FBXO47: variants seen among roughly 807,000 people sequenced by gnomAD.
The protein encoded by FBXO47 is F-box only protein 47.
FBXO47 carries 34 observed loss-of-function variants against 53.9 expected under a neutral mutation model. That is an observed-to-expected ratio of 0.63 (90% CI 0.48 to 0.84). The LOEUF (loss-of-function observed/expected upper bound fraction) is 0.84, where lower values mean the gene tolerates loss of function less well. Among genes scored for constraint, FBXO47 ranks in the 40% least tolerant of loss-of-function variants. The pLI, the probability that FBXO47 is intolerant of heterozygous loss-of-function variation, is 0.00. For synonymous variants in FBXO47, 165 were observed against 181.6 expected (o/e 0.91, Z 0.73); for missense variants, 485 against 541.3 (o/e 0.90, Z 1.03).
chr17:38,963,039 T>C lies in FBXO47; in HGVS notation c.-14A>G. ...TCTGGATGCCATTCTTCTTCTTGTC[T>C]CACAAATTTATCCTGGTCAGAAAAA... On this transcript the variant is annotated 5_prime_UTR_variant, in exon 2 of 11. Coordinates refer to ENST00000378079, the MANE Select transcript of FBXO47 (RefSeq NM_001008777.3). 3 of 1,597,654 alleles carry C rather than the reference T, an allele frequency of 1.9e-6. No homozygotes were observed. The highest frequency in any genetic ancestry group is 2.6e-6 in the Non-Finnish European group (3 of 1,167,390).
At position 38,937,250 on chromosome 17, in the gene FBXO47, G is replaced by A; in HGVS notation, c.1284C>T (p.Phe428=). The A allele has an allele frequency of 6.2e-6, 10 of 1,609,748 alleles. No homozygotes were observed. Among genetic ancestry groups the A allele is most frequent in the Non-Finnish European group, 8.5e-6 (10 of 1,177,002 alleles). Residue 428 remains phenylalanine (F), a synonymous_variant, in exon 11 of 11, where the codon TTC becomes TTT. Coordinates refer to ENST00000378079, the MANE Select transcript of FBXO47 (RefSeq NM_001008777.3). ...DEDDRSFLNL[F]HLVHAQANFH... is the part of the protein sequence containing the mutation. ...AGTTAGCCTGAGCATGTACAAGATG[G>A]AACAAATTCAAAAAGCTTCTGTCAT...
chr17:38,939,458 A>G (rs958872448), intron 9 of FBXO47, among the ~76,000 whole-genome samples: 6 of 148,754 alleles, frequency 4.0e-5, no homozygotes, highest in African/African-American at 1.5e-4. Context: ...AACCATAAAG[A>G]CATGGCTCTA....
chr17:38,943,881 C>A, intron 7 of FBXO47, 145 bp from the exon 8 acceptor site: 1 of 746,316 alleles, frequency 1.3e-6, no homozygotes, highest in South Asian at 1.9e-5. Context: ...GAAGTCAATT[C>A]TGGTAATAGT....
At chr17:38,945,935 C>CAAAAAAAAAAAAAAAA (rs34412322) in intron 6 of FBXO47, among the ~76,000 whole-genome samples, 2 of 94,596 alleles carry the variant, frequency 2.1e-5, no homozygotes, top group African/African-American at 9.3e-5. Context: ...GACTCTGGCT[C>CAAAAAAAAAAAAAAAA]AAAAAAAAAA....
chr17:38,965,877 T>A, intron 1 of FBXO47, among the ~76,000 whole-genome samples: 2 of 144,918 alleles, frequency 1.4e-5, no homozygotes, highest in African/African-American at 2.6e-5. Flanking sequence ...AGCAAGAATC[T>A]GCCTCAAAAA....
At chr17:38,942,724 T>C in intron 9 of FBXO47, 54 bp downstream of exon 9, 1 of 1,453,560 alleles carries the variant, frequency 6.9e-7, no homozygotes, top group Non-Finnish European at 9.4e-7. Context: ...CAGCTCCCTG[T>C]AGGTCAATTG....
chr17:38,956,277 C>T (rs1476618243), intron 4 of FBXO47, among the ~76,000 whole-genome samples: 1 of 152,006 alleles, frequency 6.6e-6, no homozygotes, highest in East Asian at 1.9e-4. Context: ...TAGACCAGAA[C>T]TCAATGCAAA....
intron 6 of FBXO47, among the ~76,000 whole-genome samples, chr17:38,947,134 A>G (rs1241717641): frequency 7.0e-6 from 1 of 142,832 alleles, no homozygotes; most frequent in Non-Finnish European, 1.5e-5. Context: ...ATATATAAAT[A>G]TATATATATA....
rs909937026 is a variant in FBXO47, at chr17:38,967,320, G to GA, written c.-119dup. On this transcript the variant is annotated 5_prime_UTR_variant, in exon 1 of 11. Coordinates refer to ENST00000378079, the MANE Select transcript of FBXO47 (RefSeq NM_001008777.3). ...CCATCCTCAAATTTCTTAGTGTTTA[G>GA]AAAAGAAAATATCTCCTCAAGAGCT... 6.6e-6 allele frequency: 1 copy of GA among 152,114 alleles called. No homozygotes were observed. The highest frequency in any genetic ancestry group is 2.4e-5 in the African/African-American group (1 of 41,430). The allele number at this position is 152,114 out of a possible 1,614,324, so 9.4% of individuals were successfully genotyped here.
Position 38,945,948 on chromosome 17 carries a change from A to AAAAAAAAAAAAAAAT in FBXO47, c.617-813_617-812insATTTTTTTTTTTTTT, listed in dbSNP as rs1184511532. Among the ~76,000 whole-genome samples the AAAAAAAAAAAAAAAT allele has an allele frequency of 2.2e-3, 255 of 117,070 alleles. 9 individuals carry two copies. Among genetic ancestry groups the AAAAAAAAAAAAAAAT allele is most frequent in the African/African-American group, 8.7e-3 (247 of 28,478 alleles). 76.8% of individuals were successfully genotyped at this position (117,070 alleles called of 152,430 possible). ...GAGACTCTGGCTCAAAAAAAAAAAAAATATATATATATATATAAATATATA... is the reference window on the plus strand; with the variant it reads ...GAGACTCTGGCTCAAAAAAAAAAAAAAAAAAAAAAAAAAATATATATATATATATATAAATATATA... On this transcript the variant is annotated intron_variant, in intron 6 of 10. Transcript: ENST00000378079.
At position 38,946,381 on chromosome 17, in the gene FBXO47, AAT is replaced by A. The variant is rs1207666363; in HGVS notation, c.617-1247_617-1246del. On this transcript the variant is annotated intron_variant, in intron 6 of 10. Transcript: ENST00000378079. ...ATATAAATATATAGATATATATATA[AAT>A]ATATATATCTATATATAAATATATA... is the stretch of plus-strand genomic sequence containing the variant. 3.4e-4 allele frequency among the ~76,000 whole-genome samples: 30 copies of A among 87,752 alleles called. 1 individual carries two copies. The highest frequency in any genetic ancestry group is 7.3e-4 in the Admixed American group (4 of 5,448). The allele number at this position is 87,752 out of a possible 152,430, so 57.6% of individuals were successfully genotyped here. A position where few individuals can be genotyped will look rare whatever the true frequency, so the allele number is the denominator to read the frequency against.
chr17:38,949,019 A>G (rs1402974577), intron 6 of FBXO47, among the ~76,000 whole-genome samples: 3 of 151,860 alleles, frequency 2.0e-5, no homozygotes, highest in African/African-American at 7.3e-5. Flanking sequence ...GCCAAATAAT[A>G]TTCTATGGTA....
intron 6 of FBXO47, among the ~76,000 whole-genome samples, chr17:38,950,917 TC>T (rs1338634124): frequency 6.6e-6 from 1 of 152,072 alleles, no homozygotes; most frequent in African/African-American, 2.4e-5. Context: ...TATTTTTATT[TC>T]TTTTGAAAAG....
intron 1 of FBXO47, among the ~76,000 whole-genome samples, chr17:38,963,776 T>TTTG (rs949119554): frequency 1.9e-4 from 28 of 151,090 alleles, no homozygotes; most frequent in African/African-American, 2.9e-4. Context: ...TTTGTTGGTT[T>TTTG]TTGTTGTTGT....
At chr17:38,947,129 TAA>T (rs1472004097) in intron 6 of FBXO47, among the ~76,000 whole-genome samples, 5 of 141,180 alleles carry the variant, frequency 3.5e-5, no homozygotes, top group African/African-American at 1.3e-4. Flanking sequence ...AACATATATA[TAA>T]ATATATATAT....
Position 38,946,305 on chromosome 17 carries a change from T to A in FBXO47, c.617-1169A>T, listed in dbSNP as rs1220985333. Among the ~76,000 whole-genome samples, 15 of 50,752 alleles carry A rather than the reference T, an allele frequency of 3.0e-4. 1 individual carries two copies. Among genetic ancestry groups the A allele is most frequent in the Non-Finnish European group, 4.2e-4 (11 of 26,374 alleles). 33.3% of individuals were successfully genotyped at this position (50,752 alleles called of 152,430 possible). The stretch of plus-strand genomic sequence containing the variant: ...ATATATAAATATATAAAAATATATA[T>A]AAATATATAAATATATATAAATATA... On this transcript the variant is annotated intron_variant, in intron 6 of 10. Transcript: ENST00000378079.
At chr17:38,943,562 A>T in intron 8 of FBXO47, 28 bp downstream of exon 8, 1 of 1,389,710 alleles carries the variant, frequency 7.2e-7, no homozygotes. Context: ...AATTTCTATT[A>T]TTCTATGTTA....
chr17:38,953,168 A>ACACACAC lies in FBXO47; in HGVS notation c.508-1480_508-1479insGTGTGTG, dbSNP rs1567719883. Among the ~76,000 whole-genome samples the ACACACAC allele has an allele frequency of 3.4e-4, 38 of 112,922 alleles. 1 individual carries two copies. Among genetic ancestry groups the ACACACAC allele is most frequent in the African/African-American group, 1.5e-3 (37 of 24,130 alleles). The allele number at this position is 112,922 out of a possible 152,430, so 74.1% of individuals were successfully genotyped here. On this transcript the variant is annotated intron_variant, in intron 5 of 10. Coordinates refer to ENST00000378079, the MANE Select transcript of FBXO47 (RefSeq NM_001008777.3). ...ACACACACACACACACACACACACA[A>ACACACAC]AATAGCTAGGTGTGGTGGCAGGCCC...
intron 3 of FBXO47, among the ~76,000 whole-genome samples, chr17:38,958,805 T>C (rs1283104652): frequency 6.6e-6 from 1 of 152,188 alleles, no homozygotes; most frequent in Non-Finnish European, 1.5e-5. Flanking sequence ...ACAGAATTGT[T>C]TTAAACAAAA....
Sources: allele counts gnomAD v4.1 joint callset (sites outside exome capture counted in the v4.1 genomes callset), GRCh38; gene constraint gnomAD v4.1.1; transcripts MANE v1.5; gene names NCBI Gene and HGNC (gene_info 2026-07-23, HGNC 2026-07-21).